The following ERBB4 variants were observed in gnomAD, a reference collection of about 807,000 sequenced individuals.
ERBB4 encodes the protein erb-b2 receptor tyrosine kinase 4, also known as receptor tyrosine-protein kinase erbB-4.
ERBB4 carries 42 observed loss-of-function variants against 158.0 expected under a neutral mutation model. That is an observed-to-expected ratio of 0.27 (90% confidence interval 0.21 to 0.34). The LOEUF is 0.34. ERBB4 is among the 10% of genes least tolerant of loss of function. The pLI, the probability that ERBB4 is intolerant of heterozygous loss-of-function variation, is 1.00. For missense variants in ERBB4, 1,333 were observed against 1,624.1 expected, an observed-to-expected ratio of 0.82 and a Z score of 3.08; for synonymous variants, 583 against 558.7, an observed-to-expected ratio of 1.04 and a Z score of -0.61.
intron 20 of ERBB4, among the ~76,000 whole-genome samples, chr2:211,460,484 G>A (rs2064502172): frequency 6.6e-6 from 1 of 152,068 alleles, no homozygotes; most frequent in Non-Finnish European, 1.5e-5. Context: ...ATTCAAAGTT[G>A]AACAACTGGG....
At chr2:211,791,120 A>G (rs2076271032) in intron 3 of ERBB4, among the ~76,000 whole-genome samples, 1 of 151,958 alleles carries the variant, frequency 6.6e-6, no homozygotes, top group Non-Finnish European at 1.5e-5. Context: ...CTAACCTGTA[A>G]GAAAGTTCTT....
chr2:211,512,953 T>G (rs2065918614), intron 20 of ERBB4, among the ~76,000 whole-genome samples: 1 of 152,058 alleles, frequency 6.6e-6, no homozygotes, highest in South Asian at 2.1e-4. Flanking sequence ...AAAACAAGTT[T>G]TCATGATGAG....
At position 211,584,022 on chromosome 2, in the gene ERBB4, A is replaced by C. The variant is rs1211362110; in HGVS notation, c.2302-21934T>G. Among the ~76,000 whole-genome samples the C allele has an allele frequency of 1.4e-5, 2 of 147,084 alleles. 1 individual carries two copies. Among genetic ancestry groups the C allele is most frequent in the East Asian group, 3.9e-4 (2 of 5,106 alleles). On this transcript the variant is annotated intron_variant, in intron 19 of 27. Transcript: ENST00000342788. ...AATGTATTATGACAGGTGAGATAGC[A>C]TACTAGATGCTTTCATTTCCCCATT... is the stretch of plus-strand genomic sequence containing the variant.
intron 1 of ERBB4, among the ~76,000 whole-genome samples, chr2:212,178,922 T>C (rs2081765259): frequency 6.6e-6 from 1 of 151,738 alleles, no homozygotes; most frequent in South Asian, 2.1e-4. Context: ...GAAAACTTAC[T>C]GTAAGAGTTA....
At chr2:211,800,474 GAAAACAAAAC>G (rs1040684050) in intron 3 of ERBB4, among the ~76,000 whole-genome samples, 2 of 151,900 alleles carry the variant, frequency 1.3e-5, no homozygotes, top group African/African-American at 2.4e-5. Flanking sequence ...AATCTAAATG[GAAAACAAAAC>G]AAAACAAAAC....
At chr2:211,556,495 T>G (rs1157764909) in intron 20 of ERBB4, among the ~76,000 whole-genome samples, 1 of 152,166 alleles carries the variant, frequency 6.6e-6, no homozygotes, top group African/African-American at 2.4e-5. Context: ...TTTCTTCTTT[T>G]TTTAAGAAAA....
chr2:212,153,942 T>C (rs974759951), intron 1 of ERBB4, among the ~76,000 whole-genome samples: 4 of 152,170 alleles, frequency 2.6e-5, no homozygotes, highest in African/African-American at 7.2e-5. Flanking sequence ...AGAGGTTAAG[T>C]ACGTATGGAA....
At chr2:212,205,578 T>C (rs1413454866) in intron 1 of ERBB4, among the ~76,000 whole-genome samples, 6 of 152,246 alleles carry the variant, frequency 3.9e-5, no homozygotes, top group Non-Finnish European at 7.3e-5. Context: ...CTTTCTGAAT[T>C]CCAAAAAATC....
chr2:211,724,950 C>G (rs912192526), intron 6 of ERBB4, 126 bp downstream of exon 6: 3 of 756,978 alleles, frequency 4.0e-6, no homozygotes, highest in Non-Finnish European at 7.2e-6. Context: ...GAGGGCAGAG[C>G]ATTTTTCTTA....
chr2:211,609,193 G>C (rs1157761410), intron 19 of ERBB4, among the ~76,000 whole-genome samples: 6 of 152,064 alleles, frequency 3.9e-5, no homozygotes, highest in Non-Finnish European at 5.9e-5. Flanking sequence ...ATACAAATGA[G>C]AACCCCTTTT....
chr2:211,913,619 A>ATATGTGTG lies in ERBB4; in HGVS notation c.421+33810_421+33811insCACACATA, dbSNP rs1392716173. Among the ~76,000 whole-genome samples the ATATGTGTG allele has an allele frequency of 3.0e-5, 4 of 132,822 alleles. No individual in the cohort carries two copies. The South Asian group carries it at 7.9e-4, about 26-fold the overall frequency. 87.1% of individuals were successfully genotyped at this position (132,822 alleles called of 152,430 possible). ...CTATTTCAAAAAAATATATATATAT[A>ATATGTGTG]TGTGTGTGTGTGTGTGTGTGTGTGT... is the stretch of plus-strand genomic sequence containing the variant. On this transcript the variant is annotated intron_variant, in intron 3 of 27. Coordinates refer to ENST00000342788, the MANE Select transcript of ERBB4 (RefSeq NM_005235.3).
At chr2:212,426,674 C>T (rs895743291) in intron 1 of ERBB4, among the ~76,000 whole-genome samples, 15 of 151,720 alleles carry the variant, frequency 9.9e-5, no homozygotes, top group Admixed American at 5.9e-4. Context: ...AATAATGATG[C>T]GCTTGTACCA....
chr2:211,989,713 A>G (rs1244456328), intron 2 of ERBB4, among the ~76,000 whole-genome samples: 1 of 151,904 alleles, frequency 6.6e-6, no homozygotes, highest in Non-Finnish European at 1.5e-5. Context: ...AAGGGATGCA[A>G]TCTAATCATA....
rs571734730 is a variant in ERBB4, at chr2:211,628,875, A to G, written c.2079+1587T>C. The stretch of plus-strand genomic sequence containing the variant: ...ATGATCGCCATTCTAACTGGTGTGA[A>G]ATGGTATCTCATTGTGGTTTTGATT... On this transcript the variant is annotated intron_variant, in intron 17 of 27. Transcript: ENST00000342788. 5.6e-3 allele frequency among the ~76,000 whole-genome samples: 854 copies of G among 152,072 alleles called. 8 individuals are homozygous for G. Among genetic ancestry groups the G allele is most frequent in the African/African-American group, 0.019 (780 of 41,492 alleles).
At chr2:212,167,410 A>G (rs2081380745) in intron 1 of ERBB4, among the ~76,000 whole-genome samples, 1 of 152,182 alleles carries the variant, frequency 6.6e-6, no homozygotes, top group African/African-American at 2.4e-5. Context: ...TGCCACTCAG[A>G]ATGCCAATTA....
chr2:212,534,992 A>AAT lies in ERBB4; in HGVS notation c.82+3455_82+3456dup, dbSNP rs1389586125. 6.6e-5 allele frequency among the ~76,000 whole-genome samples: 10 copies of AAT among 151,024 alleles called. No homozygotes were observed. The East Asian group carries it at 9.6e-4, about 15-fold the overall frequency. ...GACACATTTCCAGTGACTAAATGAA[A>AAT]ATATATATATAAAGCAGTAAGTGCC... is the stretch of plus-strand genomic sequence containing the variant. On this transcript the variant is annotated intron_variant, in intron 1 of 27. Transcript: ENST00000342788.
chr2:211,801,248 A>G (rs1284335792), intron 3 of ERBB4, among the ~76,000 whole-genome samples: 1 of 152,188 alleles, frequency 6.6e-6, no homozygotes, highest in African/African-American at 2.4e-5. Context: ...TGATGGGGAA[A>G]AAAAGGGAAT....
At chr2:212,195,826 G>A (rs923358643) in intron 1 of ERBB4, among the ~76,000 whole-genome samples, 13 of 152,158 alleles carry the variant, frequency 8.5e-5, no homozygotes, top group East Asian at 1.9e-4. Flanking sequence ...CAGAACCAAG[G>A]GAATACATGA....
At chr2:211,959,513 A>T (rs839508) in intron 2 of ERBB4, among the ~76,000 whole-genome samples, 17,021 of 152,036 alleles carry the variant, frequency 0.11, 2,396 homozygotes, top group African/African-American at 0.33. Context: ...TTTTCTTTTG[A>T]CATAATTGTT....
Sources: allele counts gnomAD v4.1 joint callset (sites outside exome capture counted in the v4.1 genomes callset), GRCh38; gene constraint gnomAD v4.1.1; transcripts MANE v1.5; gene names NCBI Gene and HGNC (gene_info 2026-07-23, HGNC 2026-07-21).